DHRS7B: variants seen among roughly 807,000 people sequenced by gnomAD.
The protein encoded by DHRS7B is peroxisomal reductase activating PPAR-gamma.
A neutral mutation model predicts 26.4 loss-of-function variants in DHRS7B; 24 were observed. The ratio of observed to expected loss-of-function variants is 0.91; its 90% confidence interval spans 0.66 to 1.28. The LOEUF (loss-of-function observed/expected upper bound fraction) is 1.28, where lower values mean the gene tolerates loss of function less well. Among genes scored for constraint, DHRS7B ranks in the 50% most tolerant of loss-of-function variants. The pLI is 0.00. For synonymous variants in DHRS7B, 142 were observed against 166.4 expected, an observed-to-expected ratio of 0.85 and a Z score of 1.13; for missense variants, 368 against 419.4, an observed-to-expected ratio of 0.88 and a Z score of 1.07.
chr17:21,165,225 A>C (rs943567950), intron 1 of DHRS7B, among the ~76,000 whole-genome samples: 4 of 151,530 alleles, frequency 2.6e-5, no homozygotes, highest in Non-Finnish European at 5.9e-5. Context: ...TCACCACCAC[A>C]GTCAGTGCCT....
At chr17:21,132,360 T>TATAGATAG (rs1195637838) in intron 1 of DHRS7B, among the ~76,000 whole-genome samples, 3 of 146,928 alleles carry the variant, frequency 2.0e-5, no homozygotes, top group African/African-American at 7.6e-5. Context: ...TATATATATA[T>TATAGATAG]ATAGATAGAT....
chr17:21,138,101 T>TATACACACACACACACACAC, intron 1 of DHRS7B, among the ~76,000 whole-genome samples: 1 of 86,112 alleles, frequency 1.2e-5, no homozygotes, highest in African/African-American at 5.6e-5. Flanking sequence ...TATATATATA[T>TATACACACACACACACACAC]ACACACACAC....
At chr17:21,167,145 T>C (rs1974132173) in intron 1 of DHRS7B, among the ~76,000 whole-genome samples, 1 of 152,052 alleles carries the variant, frequency 6.6e-6, no homozygotes, top group Admixed American at 6.6e-5. Flanking sequence ...CAGAGTTGAT[T>C]TCTTGGTGAT....
chr17:21,182,184 A>G (rs1415271318), intron 3 of DHRS7B, among the ~76,000 whole-genome samples: 1 of 152,172 alleles, frequency 6.6e-6, no homozygotes, highest in African/African-American at 2.4e-5. Context: ...ATCAATTGAG[A>G]TGATCAAGTG....
At position 21,188,951 on chromosome 17, in the gene DHRS7B, C is replaced by A. The variant is rs1032071863; in HGVS notation, c.772+88C>A. On this transcript the variant is annotated intron_variant, in intron 6 of 6. Transcript: ENST00000395511. Reference sequence around the variant, plus strand: ...GCTCTTACTTCAGTGATTCTTTGGTCATTTTCATTTGGAAGAGAACTTTTA... The same window carrying A: ...GCTCTTACTTCAGTGATTCTTTGGTAATTTTCATTTGGAAGAGAACTTTTA... 3.2e-6 allele frequency: 5 copies of A among 1,549,246 alleles called. No homozygotes were observed. The African/African-American group carries it at 6.8e-5, about 21-fold the overall frequency.
chr17:21,170,017 C>T (rs945054190), intron 1 of DHRS7B, among the ~76,000 whole-genome samples: 1 of 152,150 alleles, frequency 6.6e-6, no homozygotes, highest in East Asian at 1.9e-4. Context: ...GCCATCCAGC[C>T]GGGTTGAACT....
rs35189205 is a variant in DHRS7B, at chr17:21,164,030, C to CTTTTTTTTTTTTTTTTTTTTT, written c.21-7972_21-7971insTTTTTTTTTTTTTTTTTTTTT. Among the ~76,000 whole-genome samples the CTTTTTTTTTTTTTTTTTTTTT allele has an allele frequency of 4.1e-3, 395 of 96,910 alleles. 90 individuals carry two copies. The highest frequency in any genetic ancestry group is 0.017 in the African/African-American group (339 of 19,728). 63.6% of individuals were successfully genotyped at this position (96,910 alleles called of 152,430 possible). ...AGTGCAGATATTGTCAATTGTTGTG[C>CTTTTTTTTTTTTTTTTTTTTT]TTTTTTTTTTTTTTTTGAGACAGGG... On this transcript the variant is annotated intron_variant, in intron 1 of 6. Coordinates refer to ENST00000395511, the MANE Select transcript of DHRS7B (RefSeq NM_015510.5).
At position 21,191,077 on chromosome 17, in the gene DHRS7B, G is replaced by T; in HGVS notation, c.902G>T (p.Arg301Leu). 1 of 1,614,182 alleles carries T rather than the reference G, an allele frequency of 6.2e-7. No individual in the cohort carries two copies. Among genetic ancestry groups the T allele is most frequent in the Non-Finnish European group, 8.5e-7 (1 of 1,180,040 alleles). The change falls in exon 7 of 7, where the codon CGA becomes CTA. Residue 301 changes from arginine to leucine, a missense_variant. Transcript: ENST00000395511. ...DLLPSLAVYL[R>L]TLAPGLFFSL... ...CTGCCTTCCTTGGCTGTTTATCTTC[G>T]AACTCTGGCTCCTGGGCTCTTCTTC...
chr17:21,148,772 C>T (rs754668907), intron 1 of DHRS7B, among the ~76,000 whole-genome samples: 13 of 151,476 alleles, frequency 8.6e-5, no homozygotes, highest in Non-Finnish European at 1.3e-4. Context: ...AGAAAATACA[C>T]AGAGGTAAAA....
intron 1 of DHRS7B, among the ~76,000 whole-genome samples, chr17:21,146,086 C>T (rs557545179): frequency 6.6e-6 from 1 of 152,324 alleles, no homozygotes; most frequent in Non-Finnish European, 1.5e-5. Flanking sequence ...TATCATTTAA[C>T]TAGACCAAAT....
chr17:21,155,388 G>A (rs1381855332), intron 1 of DHRS7B, among the ~76,000 whole-genome samples: 1 of 152,164 alleles, frequency 6.6e-6, no homozygotes, highest in Non-Finnish European at 1.5e-5. Flanking sequence ...AGTTATCAGG[G>A]TTAAAGAGCA....
intron 1 of DHRS7B, among the ~76,000 whole-genome samples, chr17:21,141,640 A>AAAAAAAGG: frequency 1.7e-4 from 15 of 90,082 alleles, no homozygotes; most frequent in Non-Finnish European, 2.3e-4. Context: ...AAAAAAAAAA[A>AAAAAAAGG]CAACCTCATC....
Position 21,153,937 on chromosome 17 carries a change from A to G in DHRS7B, c.21-18081A>G, listed in dbSNP as rs578045647. On this transcript the variant is annotated intron_variant, in intron 1 of 6. Coordinates refer to ENST00000395511, the MANE Select transcript of DHRS7B (RefSeq NM_015510.5). ...TACAGACATTTCATAGTCAAACTAC[A>G]GAAAATCAAAGATAAAGAAAAAGAT... is the stretch of plus-strand genomic sequence containing the variant. Among the ~76,000 whole-genome samples, 3 of 152,208 alleles carry G rather than the reference A, an allele frequency of 2.0e-5. No individual in the cohort carries two copies. The East Asian group carries it at 5.8e-4, about 29-fold the overall frequency.
At chr17:21,150,087 C>G (rs868602855) in intron 1 of DHRS7B, among the ~76,000 whole-genome samples, 15 of 101,814 alleles carry the variant, frequency 1.5e-4, no homozygotes, top group Admixed American at 1.4e-3. Context: ...GGCAACATAA[C>G]AAGGCTCCAT....
At chr17:21,156,338 G>A (rs1973877134) in intron 1 of DHRS7B, among the ~76,000 whole-genome samples, 1 of 152,156 alleles carries the variant, frequency 6.6e-6, no homozygotes. Context: ...GGGCGTGGGG[G>A]TTCACGCCTG....
At chr17:21,188,637 T>C in intron 5 of DHRS7B, 74 bp from the exon 6 acceptor site, 8 of 1,446,206 alleles carry the variant, frequency 5.5e-6, no homozygotes, top group Non-Finnish European at 7.4e-6. Context: ...GCGTGAATGG[T>C]AGTGAATAGT....
In DHRS7B at chr17:21,183,761, C is replaced by T. The variant is rs1408798903; in HGVS notation, c.477C>T (p.Asp159=). The T allele has an allele frequency of 1.2e-6, 2 of 1,614,056 alleles. No individual in the cohort carries two copies. The highest frequency in any genetic ancestry group is 1.3e-5 in the African/African-American group (1 of 74,918). Residue 159 remains aspartate, a synonymous_variant, in exon 4 of 7, where the codon GAC becomes GAT. Transcript: ENST00000395511. The part of the protein sequence containing the change: ...GTIMDTTVDV[D]KRVMETNYFG... ...TCATGGACACCACAGTGGATGTGGA[C>T]AAGAGGGTCATGGAGACAAACTACT...
chr17:21,146,590 A>G (rs1973649123), intron 1 of DHRS7B, among the ~76,000 whole-genome samples: 2 of 152,244 alleles, frequency 1.3e-5, no homozygotes, highest in Non-Finnish European at 2.9e-5. Flanking sequence ...GGTTCCAACA[A>G]TAGTTTGCTA....
intron 6 of DHRS7B, 82 bp from the exon 7 acceptor site, chr17:21,190,866 C>T (rs1974761228): frequency 6.8e-7 from 1 of 1,460,892 alleles, no homozygotes; most frequent in Non-Finnish European, 9.4e-7. Context: ...GCAGGCTGAC[C>T]TGACGACTCA....
Sources: allele counts gnomAD v4.1 joint callset (sites outside exome capture counted in the v4.1 genomes callset), GRCh38; gene constraint gnomAD v4.1.1; transcripts MANE v1.5; gene names NCBI Gene and HGNC (gene_info 2026-07-23, HGNC 2026-07-21).